The following ORC3 variants were observed in gnomAD, a reference collection of about 807,000 sequenced individuals.
The protein encoded by ORC3 is homolog of latheo, Drosophila.
In ORC3, 78 loss-of-function variants were observed where a neutral mutation model predicts 100.7. The ratio of observed to expected loss-of-function variants is 0.77; its 90% confidence interval spans 0.65 to 0.94. ORC3 has a LOEUF of 0.94. Ranked by LOEUF, ORC3 falls within the 40% of genes least tolerant of loss-of-function variation. The pLI is 0.00. For synonymous variants in ORC3, 295 were observed against 289.3 expected (o/e 1.02, Z -0.20); for missense variants, 789 against 823.9 (o/e 0.96, Z 0.52).
At chr6:87,654,476 T>C (rs1202469548) in intron 14 of ORC3, among the ~76,000 whole-genome samples, 2 of 152,198 alleles carry the variant, frequency 1.3e-5, no homozygotes, top group African/African-American at 2.4e-5. Flanking sequence ...TTAAGATCAT[T>C]GAGTTCAGCT....
chr6:87,672,236 A>G (rs1422605292), downstream of ORC3, among the ~76,000 whole-genome samples: 5 of 152,212 alleles, frequency 3.3e-5, no homozygotes, highest in Non-Finnish European at 7.3e-5. Context: ...AAGGGGTAAT[A>G]AACTGGAGGA....
At chr6:87,644,428 C>T (rs912536229) in intron 13 of ORC3, among the ~76,000 whole-genome samples, 2 of 151,808 alleles carry the variant, frequency 1.3e-5, no homozygotes, top group Non-Finnish European at 2.9e-5. Flanking sequence ...ATCAATAGGC[C>T]AGGCATGGTG....
downstream of ORC3, among the ~76,000 whole-genome samples, chr6:87,668,107 C>A (rs1171129370): frequency 6.6e-6 from 1 of 152,118 alleles, no homozygotes; most frequent in East Asian, 1.9e-4. Context: ...AGAAACTCAG[C>A]AAGACATAAT....
intron 4 of ORC3, among the ~76,000 whole-genome samples, chr6:87,604,263 GAATT>G (rs1228030166): frequency 3.9e-5 from 6 of 152,128 alleles, no homozygotes; most frequent in Non-Finnish European, 7.4e-5. Flanking sequence ...CTGAGATAAG[GAATT>G]AATTCTCAAC....
At chr6:87,605,634 A>C (rs1289808399) in intron 4 of ORC3, among the ~76,000 whole-genome samples, 2 of 151,526 alleles carry the variant, frequency 1.3e-5, no homozygotes, top group African/African-American at 2.4e-5. Flanking sequence ...TGGATGACAG[A>C]GCGAGATTCT....
chr6:87,611,977 C>A, intron 7 of ORC3, 112 bp from the exon 8 acceptor site: 2 of 941,326 alleles, frequency 2.1e-6, no homozygotes, highest in Non-Finnish European at 3.1e-6. Context: ...TAATCCTTAA[C>A]AGTGTCTTAT....
At chr6:87,627,909 TA>T (rs1350962159) in intron 11 of ORC3, among the ~76,000 whole-genome samples, 1 of 152,196 alleles carries the variant, frequency 6.6e-6, no homozygotes, top group Non-Finnish European at 1.5e-5. Context: ...AAGCTAGAAC[TA>T]ATCTATTAAG....
At chr6:87,624,122 C>T (rs567256224) in intron 11 of ORC3, among the ~76,000 whole-genome samples, 4 of 152,076 alleles carry the variant, frequency 2.6e-5, no homozygotes, top group African/African-American at 9.6e-5. Flanking sequence ...AGATTTGTAC[C>T]CTTACCCTGA....
At chr6:87,612,315 A>AGTTATCT in intron 8 of ORC3, 67 bp downstream of exon 8, 2 of 1,100,582 alleles carry the variant, frequency 1.8e-6, no homozygotes, top group Non-Finnish European at 2.6e-6. Flanking sequence ...GATTGTTAAG[A>AGTTATCT]TAACTGTTAA....
intron 1 of ORC3, among the ~76,000 whole-genome samples, chr6:87,591,881 C>G (rs1009207251): frequency 6.6e-6 from 1 of 152,028 alleles, no homozygotes; most frequent in African/African-American, 2.4e-5. Context: ...ACAGACATGC[C>G]CCACTACACC....
At chr6:87,652,150 G>A (rs185295231) in intron 13 of ORC3, among the ~76,000 whole-genome samples, 60 of 152,118 alleles carry the variant, frequency 3.9e-4, no homozygotes, top group African/African-American at 1.2e-3. Flanking sequence ...CACCCGCCTC[G>A]GCCTCCCAAA....
At chr6:87,630,461 T>C (rs555389279) in intron 11 of ORC3, among the ~76,000 whole-genome samples, 1 of 152,320 alleles carries the variant, frequency 6.6e-6, no homozygotes, top group Non-Finnish European at 1.5e-5. Context: ...TAATGTACTC[T>C]TCATTCAGCC....
chr6:87,626,138 CT>C (rs1220600722), intron 11 of ORC3, among the ~76,000 whole-genome samples: 4 of 152,130 alleles, frequency 2.6e-5, no homozygotes, highest in African/African-American at 9.7e-5. Context: ...CAGCTTTGTT[CT>C]TTTTGCTTAG....
At chr6:87,652,089 G>A (rs1295485068) in intron 13 of ORC3, among the ~76,000 whole-genome samples, 2 of 151,920 alleles carry the variant, frequency 1.3e-5, no homozygotes, top group African/African-American at 4.8e-5. Context: ...TAGTAGAGAC[G>A]AGGTTTCACC....
At chr6:87,661,822 T>C (rs1212266729) in intron 16 of ORC3, among the ~76,000 whole-genome samples, 1 of 152,186 alleles carries the variant, frequency 6.6e-6, no homozygotes, top group African/African-American at 2.4e-5. Context: ...CATTACTCTG[T>C]CTATGGGTTA....
chr6:87,664,059 T>C (rs1770409646), intron 17 of ORC3, among the ~76,000 whole-genome samples: 1 of 152,160 alleles, frequency 6.6e-6, no homozygotes, highest in African/African-American at 2.4e-5. Flanking sequence ...TTTTAATATA[T>C]AAACCATAAA....
At chr6:87,676,275 T>C in the ORC3 span, among the ~76,000 whole-genome samples, 7 of 149,868 alleles carry the variant, frequency 4.7e-5, no homozygotes, top group South Asian at 1.1e-3. Flanking sequence ...CCATCCTGGC[T>C]AACACGGTGA....
At chr6:87,665,855 TACAATGTCCA>T (rs763800273) in intron 19 of ORC3, 22 bp downstream of exon 19, 4 of 1,408,172 alleles carry the variant, frequency 2.8e-6, no homozygotes, top group Non-Finnish European at 3.0e-6. Flanking sequence ...AAACCATTTC[TACAATGTCCA>T]ACTACACATA....
chr6:87,642,456 G>A (rs1250187494), intron 13 of ORC3, among the ~76,000 whole-genome samples: 2 of 151,942 alleles, frequency 1.3e-5, no homozygotes, highest in African/African-American at 4.8e-5. Flanking sequence ...TGTGGCACAT[G>A]CCTGTAATCC....
Sources: allele counts gnomAD v4.1 joint callset (sites outside exome capture counted in the v4.1 genomes callset), GRCh38; gene constraint gnomAD v4.1.1; transcripts MANE v1.5; gene names NCBI Gene and HGNC (gene_info 2026-07-23, HGNC 2026-07-21).